Variants in MOB4 observed in about 807,000 individuals in gnomAD.
MOB4 encodes the protein MOB family member 4, phocein, also known as MOB-like protein phocein.
A neutral mutation model predicts 32.2 loss-of-function variants in MOB4; 4 were observed. The observed-to-expected ratio is 0.12, with a 90% CI of 0.06 to 0.28. The LOEUF is 0.28. MOB4 is among the 10% of genes least tolerant of loss of function. MOB4 has a pLI of 1.00. For missense variants in MOB4, 158 were observed against 271.2 expected (o/e 0.58, Z 2.93); for synonymous variants, 88 against 88.1 (o/e 1.00, Z 0.01).
chr2:197,553,073 T>C lies in MOB4; in HGVS notation c.*2427T>C, dbSNP rs2087122785. ...TTTCTCTGACTTGAGATGTCAAATT[T>C]GGATTTCTAGAACAGTTTCTCAGTT... On this transcript the variant is annotated 3_prime_UTR_variant, in exon 8 of 8. Coordinates refer to ENST00000323303, the MANE Select transcript of MOB4 (RefSeq NM_015387.5). 6.6e-6 allele frequency: 1 copy of C among 152,238 alleles called. No individual in the cohort carries two copies. The highest frequency in any genetic ancestry group is 2.4e-5 in the African/African-American group (1 of 41,452). 9.4% of individuals were successfully genotyped at this position (152,238 alleles called of 1,614,324 possible).
intron 5 of MOB4, among the ~76,000 whole-genome samples, chr2:197,545,054 G>A (rs2086970955): frequency 6.6e-6 from 1 of 152,116 alleles, no homozygotes; most frequent in South Asian, 2.1e-4. Flanking sequence ...TTGATATGTA[G>A]TTCCCCCAAA....
intron 5 of MOB4, among the ~76,000 whole-genome samples, chr2:197,547,741 C>T (rs1026832583): frequency 2.0e-5 from 3 of 152,098 alleles, no homozygotes; most frequent in African/African-American, 7.2e-5. Context: ...TGATGTTGCT[C>T]CCTGTCTGCC....
rs1276726282 is a variant in MOB4 at position 197,552,137 on chromosome 2, G to A, written c.*1491G>A. 2.6e-5 allele frequency: 4 copies of A among 152,296 alleles called. No homozygotes were observed. Among genetic ancestry groups the A allele is most frequent in the Non-Finnish European group, 5.9e-5 (4 of 68,032 alleles). The allele number at this position is 152,296 out of a possible 1,614,324, so 9.4% of individuals were successfully genotyped here. ...TACTGAGAGTGTGTGTATGTATAGTGTATGCCTTTCCAAGCTTGCCAGTCT... is the reference window on the plus strand; with the variant it reads ...TACTGAGAGTGTGTGTATGTATAGTATATGCCTTTCCAAGCTTGCCAGTCT... On this transcript the variant is annotated 3_prime_UTR_variant, in exon 8 of 8. Coordinates refer to ENST00000323303, the MANE Select transcript of MOB4 (RefSeq NM_015387.5).
chr2:197,533,873 TC>T, intron 2 of MOB4: 1 of 646,290 alleles, frequency 1.5e-6, no homozygotes, highest in Non-Finnish European at 2.9e-6. Context: ...AGCAAAATCG[TC>T]CCATTCCCCA....
intron 3 of MOB4, among the ~76,000 whole-genome samples, chr2:197,539,126 A>T (rs139475901): frequency 1.3e-5 from 2 of 151,868 alleles, no homozygotes; most frequent in African/African-American, 2.4e-5. Flanking sequence ...AAATGATTCA[A>T]TTTTTCTGAT....
rs1360142745 is a variant in MOB4 at position 197,550,685 on chromosome 2, C to A, written c.*39C>A. 2 of 1,554,366 alleles carry A rather than the reference C, an allele frequency of 1.3e-6. No individual in the cohort carries two copies. The highest frequency in any genetic ancestry group is 1.7e-6 in the Non-Finnish European group (2 of 1,157,462). On this transcript the variant is annotated 3_prime_UTR_variant, in exon 8 of 8. Transcript: ENST00000323303. ...AAAAATGTACTGATCATATAATTAACATTATGTACTGTATATATCATTTTA... is the reference window on the plus strand; with the variant it reads ...AAAAATGTACTGATCATATAATTAAAATTATGTACTGTATATATCATTTTA...
In MOB4 at chr2:197,520,422, C is replaced by T. The variant is rs1038255210; in HGVS notation, c.61-3202C>T. On this transcript the variant is annotated intron_variant, in intron 1 of 7. Transcript: ENST00000323303. ...CCAAAGTGCTGAGCGTGAGCCACCG[C>T]GCCCGGCCTAAACTTTATTCATTTT... is the stretch of plus-strand genomic sequence containing the variant. Among the ~76,000 whole-genome samples the T allele has an allele frequency of 2.3e-4, 35 of 152,238 alleles. No individual in the cohort carries two copies. In the East Asian group the frequency reaches 2.3e-3, roughly 10 times the overall value.
intron 2 of MOB4, among the ~76,000 whole-genome samples, chr2:197,529,837 A>G (rs1403060465): frequency 6.6e-6 from 1 of 151,688 alleles, no homozygotes; most frequent in Non-Finnish European, 1.5e-5. Context: ...TATATTTAGT[A>G]CAGACGGGGT....
At chr2:197,536,387 T>A (rs1175570345) in intron 3 of MOB4, among the ~76,000 whole-genome samples, 1 of 151,874 alleles carries the variant, frequency 6.6e-6, no homozygotes, top group Non-Finnish European at 1.5e-5. Flanking sequence ...GTATTTTTTG[T>A]AGAGACAAGG....
chr2:197,520,214 G>A (rs1157045626), intron 1 of MOB4, among the ~76,000 whole-genome samples: 38 of 144,778 alleles, frequency 2.6e-4, no homozygotes, highest in Non-Finnish European at 4.3e-4. Flanking sequence ...ACAGAATCTC[G>A]CTCTGTCTCC....
At chr2:197,523,795 A>G in intron 2 of MOB4, 109 bp downstream of exon 2, 2 of 1,032,140 alleles carry the variant, frequency 1.9e-6, no homozygotes, top group Non-Finnish European at 2.7e-6. Context: ...GCTTCCCAAT[A>G]AAGCGTGCTC....
In MOB4 at chr2:197,551,782, T is replaced by C. The variant is rs988852044; in HGVS notation, c.*1136T>C. ...AATAGTCATACATTTTTTTGGACTT[T>C]GTTATAATTCATTGTGGTAAGAATG... is the stretch of plus-strand genomic sequence containing the variant. On this transcript the variant is annotated 3_prime_UTR_variant, in exon 8 of 8. Coordinates refer to ENST00000323303, the MANE Select transcript of MOB4 (RefSeq NM_015387.5). 13 of 152,344 alleles carry C rather than the reference T, an allele frequency of 8.5e-5. No homozygotes were observed. The highest frequency in any genetic ancestry group is 2.9e-4 in the African/African-American group (12 of 41,462). 9.4% of individuals were successfully genotyped at this position (152,344 alleles called of 1,614,324 possible).
rs2087115659 is a variant in MOB4 at position 197,552,573 on chromosome 2, G to T, written c.*1927G>T. 6.6e-6 allele frequency: 1 copy of T among 152,090 alleles called. No individual in the cohort carries two copies. Among genetic ancestry groups the T allele is most frequent in the Non-Finnish European group, 1.5e-5 (1 of 67,986 alleles). The allele number at this position is 152,090 out of a possible 1,614,324, so 9.4% of individuals were successfully genotyped here. On this transcript the variant is annotated 3_prime_UTR_variant, in exon 8 of 8. Coordinates refer to ENST00000323303, the MANE Select transcript of MOB4 (RefSeq NM_015387.5). ...TTTTCTTACTCATTTCACCTTCCCT[G>T]TACTGTATGTTTGGAATTGATCATA...
At chr2:197,542,105 A>G (rs2086906536) in intron 5 of MOB4, among the ~76,000 whole-genome samples, 2 of 152,334 alleles carry the variant, frequency 1.3e-5, no homozygotes, top group African/African-American at 4.8e-5. Flanking sequence ...GCAAATAGTA[A>G]TGATGTATTA....
chr2:197,541,883 C>T (rs1402105689), intron 5 of MOB4, among the ~76,000 whole-genome samples: 2 of 151,906 alleles, frequency 1.3e-5, no homozygotes, highest in East Asian at 3.9e-4. Context: ...CCCGCCACTG[C>T]ACTCCAGCCT....
At chr2:197,520,919 A>G (rs902698023) in intron 1 of MOB4, among the ~76,000 whole-genome samples, 9 of 144,936 alleles carry the variant, frequency 6.2e-5, no homozygotes, top group Non-Finnish European at 1.2e-4. Flanking sequence ...AAAAAAAAAG[A>G]AGAAGAAATA....
intron 5 of MOB4, among the ~76,000 whole-genome samples, chr2:197,544,927 G>A (rs2086968729): frequency 6.6e-6 from 1 of 152,102 alleles, no homozygotes; most frequent in African/African-American, 2.4e-5. Flanking sequence ...GATGTGAAGT[G>A]GAACCCCTAA....
chr2:197,527,283 G>C (rs888314841), intron 2 of MOB4, among the ~76,000 whole-genome samples: 3 of 152,010 alleles, frequency 2.0e-5, no homozygotes, highest in African/African-American at 4.8e-5. Flanking sequence ...ATGCACACGA[G>C]ATGTCTTTCC....
rs942054024 is a variant in MOB4 at position 197,548,029 on chromosome 2, C to T, written c.355-307C>T. 3.0e-4 allele frequency among the ~76,000 whole-genome samples: 45 copies of T among 152,086 alleles called. 1 individual carries two copies. Among genetic ancestry groups the T allele is most frequent in the African/African-American group, 1.0e-3 (42 of 41,404 alleles). On this transcript the variant is annotated intron_variant, in intron 5 of 7. Transcript: ENST00000323303. ...TATTGTTTAGGATATAAGAAGGCATCCCTGGAGATACCAGAGATAAATCAG... is the reference window on the plus strand; with the variant it reads ...TATTGTTTAGGATATAAGAAGGCATTCCTGGAGATACCAGAGATAAATCAG...
Sources: allele counts gnomAD v4.1 joint callset (sites outside exome capture counted in the v4.1 genomes callset), GRCh38; gene constraint gnomAD v4.1.1; transcripts MANE v1.5; gene names NCBI Gene and HGNC (gene_info 2026-07-23, HGNC 2026-07-21).